Variants in SPAG16 observed in about 807,000 individuals in gnomAD.
SPAG16 encodes sperm associated antigen 16.
In SPAG16, 86 loss-of-function variants were observed where a neutral mutation model predicts 80.4. The ratio of observed to expected loss-of-function variants is 1.07; its 90% CI spans 0.90 to 1.28. The LOEUF (loss-of-function observed/expected upper bound fraction) is 1.28. SPAG16 is among the 50% of genes most tolerant of loss of function. SPAG16 has a pLI of 0.00. For missense variants in SPAG16, 870 were observed against 765.3 expected (o/e 1.14, Z -1.61); for synonymous variants, 294 against 265.9 (o/e 1.11, Z -1.03).
At chr2:213,687,464 T>C (rs2064736846) in intron 10 of SPAG16, among the ~76,000 whole-genome samples, 2 of 152,212 alleles carry the variant, frequency 1.3e-5, no homozygotes, top group Admixed American at 1.3e-4. Context: ...GGTGAAAAAT[T>C]GGTTCATTTT....
intron 11 of SPAG16, among the ~76,000 whole-genome samples, chr2:213,883,766 C>A (rs925995407): frequency 1.3e-5 from 2 of 152,138 alleles, no homozygotes; most frequent in African/African-American, 4.8e-5. Flanking sequence ...TTATGTAATG[C>A]CTTCCATTGC....
At chr2:213,677,073 C>G (rs1435562838) in intron 10 of SPAG16, among the ~76,000 whole-genome samples, 1 of 152,016 alleles carries the variant, frequency 6.6e-6, no homozygotes, top group Non-Finnish European at 1.5e-5. Context: ...TGTTATTGGT[C>G]TATTCAGAGA....
intron 12 of SPAG16, among the ~76,000 whole-genome samples, chr2:213,971,757 A>G (rs1208882749): frequency 6.6e-6 from 1 of 152,230 alleles, no homozygotes; most frequent in Non-Finnish European, 1.5e-5. Flanking sequence ...TAACTTTTTG[A>G]GAAACAGTGT....
At chr2:214,012,281 TATATATA>T (rs1383958557) in intron 12 of SPAG16, among the ~76,000 whole-genome samples, 2,332 of 58,620 alleles carry the variant, frequency 0.04, 88 homozygotes, top group African/African-American at 0.11. Flanking sequence ...TATATATATA[TATATATA>T]TTTTTTTTTT....
intron 9 of SPAG16, among the ~76,000 whole-genome samples, chr2:213,411,838 A>G (rs1033200692): frequency 6.6e-6 from 1 of 151,670 alleles, no homozygotes; most frequent in Non-Finnish European, 1.5e-5. Context: ...ACTATCCTCC[A>G]CCTTATCCAG....
At chr2:213,671,093 CAT>C (rs774391714) in intron 10 of SPAG16, among the ~76,000 whole-genome samples, 1 of 152,138 alleles carries the variant, frequency 6.6e-6, no homozygotes, top group Non-Finnish European at 1.5e-5. Flanking sequence ...CCCAAAATGA[CAT>C]AATTTTAAGG....
At chr2:213,835,860 A>C (rs984818186) in intron 10 of SPAG16, among the ~76,000 whole-genome samples, 1 of 152,174 alleles carries the variant, frequency 6.6e-6, no homozygotes, top group African/African-American at 2.4e-5. Flanking sequence ...ATTTCTTATT[A>C]AAAGCAGAGT....
chr2:213,949,179 T>TTTTTTTTTTTTGTTTTTTTTTTTTTG (rs2079612309), intron 12 of SPAG16, among the ~76,000 whole-genome samples: 5 of 36,260 alleles, frequency 1.4e-4, no homozygotes, highest in South Asian at 4.0e-3. Context: ...GTTTTTTTTT[T>TTTTTTTTTTTTGTTTTTTTTTTTTTG]TTTTTTTTTT....
At chr2:214,114,489 A>T (rs2053832346) in intron 14 of SPAG16, among the ~76,000 whole-genome samples, 1 of 152,034 alleles carries the variant, frequency 6.6e-6, no homozygotes, top group Non-Finnish European at 1.5e-5. Flanking sequence ...TTGTTTACCT[A>T]CTCAAGCCTC....
chr2:213,968,552 T>C (rs1296984452), intron 12 of SPAG16, among the ~76,000 whole-genome samples: 3 of 152,202 alleles, frequency 2.0e-5, no homozygotes. Context: ...AAGAATTCAT[T>C]GGGCTTAGAT....
intron 10 of SPAG16, among the ~76,000 whole-genome samples, chr2:213,718,504 C>T (rs2066351315): frequency 6.6e-6 from 1 of 152,160 alleles, no homozygotes; most frequent in South Asian, 2.1e-4. Context: ...GAGGCACCAG[C>T]GGGAACCGGG....
intron 11 of SPAG16, among the ~76,000 whole-genome samples, chr2:213,921,828 A>G (rs2078237874): frequency 6.6e-6 from 1 of 152,176 alleles, no homozygotes; most frequent in South Asian, 2.1e-4. Context: ...TGTTTCAAAT[A>G]TTATTTTAAG....
At chr2:213,984,266 T>A (rs2045900962) in intron 12 of SPAG16, among the ~76,000 whole-genome samples, 1 of 152,136 alleles carries the variant, frequency 6.6e-6, no homozygotes, top group South Asian at 2.1e-4. Flanking sequence ...TACTGGACTA[T>A]GTCTCATTTA....
intron 10 of SPAG16, among the ~76,000 whole-genome samples, chr2:213,854,075 CA>C (rs1309509384): frequency 2.0e-5 from 3 of 152,168 alleles, no homozygotes; most frequent in Non-Finnish European, 2.9e-5. Context: ...GAAACAACCA[CA>C]AAATTTCCTT....
rs115029005 is a variant in SPAG16, at chr2:213,317,962, T to C, written c.536+606T>C. 878 of 154,976 alleles carry C rather than the reference T, an allele frequency of 5.7e-3. 9 individuals carry two copies. The highest frequency in any genetic ancestry group is 0.013 in the South Asian group (61 of 4,878). 9.6% of individuals were successfully genotyped at this position (154,976 alleles called of 1,614,324 possible). A position where few individuals can be genotyped will look rare whatever the true frequency, so the allele number is the denominator to read the frequency against. ...TTAAAACTGCTCTAAAAATAAAGTT[T>C]ATTAAAAAAAAGTTAATTCTCTATA... On this transcript the variant is annotated intron_variant, in intron 5 of 15. Transcript: ENST00000331683.
chr2:213,291,857 A>G (rs2062287254), intron 1 of SPAG16, among the ~76,000 whole-genome samples: 1 of 152,192 alleles, frequency 6.6e-6, no homozygotes, highest in Non-Finnish European at 1.5e-5. Context: ...AGATGGGTAT[A>G]TCTGTGCTGT....
intron 10 of SPAG16, among the ~76,000 whole-genome samples, chr2:213,494,660 G>A (rs929612502): frequency 6.6e-6 from 1 of 152,104 alleles, no homozygotes; most frequent in Non-Finnish European, 1.5e-5. Flanking sequence ...AACATATTTT[G>A]AAAATGTAAA....
At chr2:214,047,174 G>GA (rs980719019) in intron 13 of SPAG16, among the ~76,000 whole-genome samples, 4 of 151,998 alleles carry the variant, frequency 2.6e-5, no homozygotes, top group Admixed American at 2.0e-4. Flanking sequence ...CACAGAAATA[G>GA]AAAAAACAGT....
intron 10 of SPAG16, among the ~76,000 whole-genome samples, chr2:213,600,948 G>C (rs1339893688): frequency 6.6e-6 from 1 of 152,144 alleles, no homozygotes; most frequent in Non-Finnish European, 1.5e-5. Flanking sequence ...AAATCACAGA[G>C]CCATTACTCC....
Sources: gnomAD v4.1 joint callset for allele counts (sites outside exome capture counted in the v4.1 genomes callset) on GRCh38, gnomAD v4.1.1 for gene constraint, MANE v1.5 for transcripts, NCBI Gene and HGNC (gene_info 2026-07-23, HGNC 2026-07-21) for gene names.